The following CCR3 variants were observed in gnomAD, a reference collection of about 807,000 sequenced individuals.
The protein encoded by CCR3 is C-C chemokine receptor type 3.
For synonymous variants in CCR3, 203 were observed against 179.2 expected (o/e 1.13, Z -1.06); for missense variants, 419 against 437.5 (o/e 0.96, Z 0.38).
Position 46,265,232 on chromosome 3 carries a change from A to T in CCR3, c.74A>T (p.Glu25Val), listed in dbSNP as rs573526435. ...SYYDDVGLLC[E>V]KADTRALMAQ... ...TATGATGACGTGGGCCTGCTCTGTG[A>T]AAAAGCTGATACCAGAGCACTGATG... is the stretch of plus-strand genomic sequence containing the variant. The change falls in exon 2 of 2, where the codon GAA becomes GTA. Residue 25 changes from glutamate to valine, a missense_variant. Glu to Val is a moderately radical substitution (Grantham distance 121). Coordinates refer to ENST00000395940, the MANE Select transcript of CCR3 (RefSeq NM_178329.3). 5.0e-6 allele frequency: 8 copies of T among 1,613,970 alleles called. No individual in the cohort carries two copies. The African/African-American group carries it at 6.7e-5, about 13-fold the overall frequency.
At chr3:46,243,916 G>A (rs965575599) in intron 1 of CCR3, among the ~76,000 whole-genome samples, 2 of 152,002 alleles carry the variant, frequency 1.3e-5, no homozygotes, top group Admixed American at 1.3e-4. Flanking sequence ...AACAATAATG[G>A]CAACCCTTTT....
At chr3:46,222,046 C>T (rs770577242) in intron 2 of CCR3, among the ~76,000 whole-genome samples, 1 of 152,236 alleles carries the variant, frequency 6.6e-6, no homozygotes, top group African/African-American at 2.4e-5. Flanking sequence ...TGGGCAGGAG[C>T]CCTGAAGGTC....
At chr3:46,224,949 C>T (rs974519211) in intron 2 of CCR3, among the ~76,000 whole-genome samples, 12 of 152,128 alleles carry the variant, frequency 7.9e-5, no homozygotes, top group African/African-American at 2.7e-4. Context: ...CAGGTAAATA[C>T]CCAAGAGAAG....
chr3:46,250,246 C>G (rs908432690), intron 1 of CCR3, among the ~76,000 whole-genome samples: 2 of 151,974 alleles, frequency 1.3e-5, no homozygotes. Flanking sequence ...AAACTGTAAG[C>G]CGGACCAGGT....
upstream of CCR3, among the ~76,000 whole-genome samples, chr3:46,238,305 A>T (rs72904172): frequency 0.071 from 10,773 of 152,044 alleles, 1,239 homozygotes; most frequent in African/African-American, 0.24. Context: ...TCTCATTGCA[A>T]TTTTAATTTA....
At chr3:46,231,137 A>C (rs934224135) in intron 2 of CCR3, among the ~76,000 whole-genome samples, 5 of 152,090 alleles carry the variant, frequency 3.3e-5, no homozygotes, top group Admixed American at 1.3e-4. Context: ...GTTGGCCAGG[A>C]TAGTCTCGAT....
chr3:46,236,166 A>G (rs1367169757), intron 2 of CCR3, among the ~76,000 whole-genome samples: 1 of 152,210 alleles, frequency 6.6e-6, no homozygotes, highest in African/African-American at 2.4e-5. Context: ...ACCAACGGGA[A>G]CTGCCTCCTT....
intron 1 of CCR3, among the ~76,000 whole-genome samples, chr3:46,256,769 C>CACAT (rs1408775755): frequency 3.3e-5 from 5 of 152,230 alleles, no homozygotes; most frequent in Admixed American, 3.3e-4. Flanking sequence ...AAACTGTAGT[C>CACAT]ATCTGAAATA....
upstream of CCR3, among the ~76,000 whole-genome samples, chr3:46,237,796 A>G (rs1700039198): frequency 6.6e-6 from 1 of 152,172 alleles, no homozygotes; most frequent in African/African-American, 2.4e-5. Context: ...TGTCTGTTTT[A>G]ATACCAACGC....
At chr3:46,249,253 C>T (rs1384128739) in intron 1 of CCR3, among the ~76,000 whole-genome samples, 1 of 152,032 alleles carries the variant, frequency 6.6e-6, no homozygotes, top group East Asian at 1.9e-4. Context: ...GTCAGGGAAG[C>T]AGATAATTTG....
Position 46,235,690 on chromosome 3 carries a change from C to T in CCR3, c.-67-6712C>T, listed in dbSNP as rs116133087. On this transcript the variant is annotated intron_variant, in intron 2 of 3. Transcript: ENST00000357422. Reference sequence around the variant, plus strand: ...TGAGGACCAGATGTTTTTGCCTGAACAAAACACTGCATTCAAGCAAATAAG... The same window carrying T: ...TGAGGACCAGATGTTTTTGCCTGAATAAAACACTGCATTCAAGCAAATAAG... 1.4e-3 allele frequency among the ~76,000 whole-genome samples: 214 copies of T among 152,294 alleles called. 1 individual carries two copies. The highest frequency in any genetic ancestry group is 4.8e-3 in the African/African-American group (201 of 41,562).
At chr3:46,247,408 GAGGAC>G (rs1399608849) in intron 1 of CCR3, among the ~76,000 whole-genome samples, 4 of 152,160 alleles carry the variant, frequency 2.6e-5, no homozygotes, top group Admixed American at 2.6e-4. Flanking sequence ...ATAGCATTCC[GAGGAC>G]AGGTCTGACT....
At chr3:46,243,872 A>T (rs1342177137) in intron 1 of CCR3, among the ~76,000 whole-genome samples, 1 of 152,076 alleles carries the variant, frequency 6.6e-6, no homozygotes, top group African/African-American at 2.4e-5. Context: ...ACTTGTAGTT[A>T]AAAAAAATCA....
At chr3:46,215,521 A>T (rs2125922563) in intron 2 of CCR3, among the ~76,000 whole-genome samples, 1 of 152,320 alleles carries the variant, frequency 6.6e-6, no homozygotes, top group Non-Finnish European at 1.5e-5. Context: ...CCAGAAATGC[A>T]GACTCTCAGG....
chr3:46,238,279 T>C (rs1347343483), upstream of CCR3, among the ~76,000 whole-genome samples: 1 of 152,204 alleles, frequency 6.6e-6, no homozygotes, highest in Non-Finnish European at 1.5e-5. Context: ...GTCATTCTAG[T>C]AAGTATGTAG....
chr3:46,243,002 T>TATATATAC (rs56773457), intron 1 of CCR3, among the ~76,000 whole-genome samples: 14 of 123,732 alleles, frequency 1.1e-4, no homozygotes, highest in South Asian at 5.1e-4. Flanking sequence ...TATATATATA[T>TATATATAC]ACGCACACAC....
chr3:46,260,062 T>C (rs1332855295), intron 1 of CCR3, among the ~76,000 whole-genome samples: 1 of 152,122 alleles, frequency 6.6e-6, no homozygotes, highest in Admixed American at 6.5e-5. Flanking sequence ...GAAGAGCTTG[T>C]GCAGGGAAAC....
chr3:46,243,718 C>T (rs145986478), intron 1 of CCR3, among the ~76,000 whole-genome samples: 94 of 152,204 alleles, frequency 6.2e-4, no homozygotes, highest in African/African-American at 2.1e-3. Flanking sequence ...CACTGAACCA[C>T]GCAGGATGAG....
At chr3:46,218,734 A>C (rs112160248) in intron 2 of CCR3, among the ~76,000 whole-genome samples, 14,377 of 152,208 alleles carry the variant, frequency 0.094, 910 homozygotes, top group Non-Finnish European at 0.14. Context: ...AAATCATATA[A>C]TCATCTCAAT....
Sources: allele counts gnomAD v4.1 joint callset (sites outside exome capture counted in the v4.1 genomes callset), GRCh38; gene constraint gnomAD v4.1.1; transcripts MANE v1.5; gene names NCBI Gene and HGNC (gene_info 2026-07-23, HGNC 2026-07-21).